The following FBXL5 variants were observed in gnomAD, a reference collection of about 807,000 sequenced individuals.
The protein encoded by FBXL5 is F-box and leucine rich repeat protein 5, also known as F-box/LRR-repeat protein 5.
A neutral mutation model predicts 78.3 loss-of-function variants in FBXL5; 26 were observed. The ratio of observed to expected loss-of-function variants is 0.33; its 90% confidence interval spans 0.24 to 0.46. FBXL5 has a LOEUF of 0.46. Among genes scored for constraint, FBXL5 ranks in the 20% least tolerant of loss-of-function variants. The probability of loss-of-function intolerance (pLI) is 1.00; values close to 1 mark genes in which losing one functional copy is unlikely to be tolerated. For synonymous variants in FBXL5, 295 were observed against 282.5 expected (o/e 1.04, Z -0.45); for missense variants, 710 against 829.2 (o/e 0.86, Z 1.77).
intron 1 of FBXL5, among the ~76,000 whole-genome samples, chr4:15,677,107 G>A (rs992001867): frequency 1.1e-4 from 17 of 152,072 alleles, no homozygotes; most frequent in African/African-American, 4.1e-4. Context: ...GACAAGCAAG[G>A]TAACAGATAA....
chr4:15,641,010 C>G (rs1242106230), intron 2 of FBXL5, 127 bp from the exon 3 acceptor site: 1 of 505,908 alleles, frequency 2.0e-6, no homozygotes, highest in Non-Finnish European at 3.5e-6. Context: ...GCAAAGTGGT[C>G]TCTGTACTTT....
intron 6 of FBXL5, 129 bp downstream of exon 6, chr4:15,630,537 T>C (rs1713519762): frequency 1.3e-6 from 1 of 748,774 alleles, no homozygotes; most frequent in Non-Finnish European, 1.9e-6. Flanking sequence ...TTTTAAAAAG[T>C]AGTAGGCTTA....
intron 1 of FBXL5, among the ~76,000 whole-genome samples, chr4:15,648,896 G>A (rs552408290): frequency 6.6e-6 from 1 of 152,240 alleles, no homozygotes; most frequent in African/African-American, 2.4e-5. Flanking sequence ...ATCGTTTGTG[G>A]TGATGGATGT....
At chr4:15,634,127 T>C (rs1713978300) in intron 5 of FBXL5, among the ~76,000 whole-genome samples, 1 of 152,142 alleles carries the variant, frequency 6.6e-6, no homozygotes, top group South Asian at 2.1e-4. Context: ...GAAAAATCAA[T>C]TTGATTGAGA....
At chr4:15,636,142 T>C (rs962368078) in intron 5 of FBXL5, among the ~76,000 whole-genome samples, 6 of 152,140 alleles carry the variant, frequency 3.9e-5, no homozygotes, top group Non-Finnish European at 7.4e-5. Context: ...AGCTTACTAA[T>C]TGAATTTTTA....
upstream of FBXL5, among the ~76,000 whole-genome samples, chr4:15,659,152 A>C (rs1247512724): frequency 6.6e-6 from 1 of 152,162 alleles, no homozygotes; most frequent in African/African-American, 2.4e-5. Flanking sequence ...TAAAATAATT[A>C]ATTTCTTAGC....
At position 15,636,538 on chromosome 4, in the gene FBXL5, G is replaced by A. The variant is rs753927719; in HGVS notation, c.722C>T (p.Thr241Met). 31 of 1,613,418 alleles carry A rather than the reference G, an allele frequency of 1.9e-5. No individual in the cohort carries two copies. The highest frequency in any genetic ancestry group is 1.6e-4 in the Middle Eastern group (1 of 6,082). ...VSMKWSQLTK[T>M]GSLWKHLYPV... ...GTAAAGATGTTTCCAAAGCGATCCCGTTTTTGTCAGCTGAGACCATTTCAT... is the reference window on the plus strand; with the variant it reads ...GTAAAGATGTTTCCAAAGCGATCCCATTTTTGTCAGCTGAGACCATTTCAT... Residue 241 changes from threonine to methionine, a missense_variant, in exon 5 of 11, where the codon ACG becomes ATG. Around this residue, in one of 4 missense-constraint regions of FBXL5, gnomAD observed 517 missense variants for 542.9 expected, o/e 0.95. Coordinates refer to ENST00000341285, the MANE Select transcript of FBXL5 (RefSeq NM_012161.4).
At chr4:15,614,874 G>A (rs956485809) in intron 9 of FBXL5, among the ~76,000 whole-genome samples, 2 of 152,168 alleles carry the variant, frequency 1.3e-5, no homozygotes, top group Admixed American at 1.3e-4. Context: ...GGCTGGCCAA[G>A]GCTAGAGCCC....
chr4:15,609,357 G>A (rs1344311633), intron 10 of FBXL5, among the ~76,000 whole-genome samples: 1 of 152,060 alleles, frequency 6.6e-6, no homozygotes, highest in East Asian at 1.9e-4. Context: ...ATGATAGGAA[G>A]TATAAGGTTA....
chr4:15,617,025 G>A (rs1365929407), intron 9 of FBXL5, among the ~76,000 whole-genome samples: 1 of 152,208 alleles, frequency 6.6e-6, no homozygotes, highest in African/African-American at 2.4e-5. Context: ...ACTGTTGGGA[G>A]TGTAAATTAG....
intron 6 of FBXL5, among the ~76,000 whole-genome samples, chr4:15,629,698 T>C (rs944544305): frequency 3.9e-5 from 6 of 152,140 alleles, no homozygotes; most frequent in African/African-American, 1.4e-4. Context: ...CTTTTCCTTA[T>C]ATAGGACATT....
At chr4:15,662,420 G>C (rs916749270), upstream of FBXL5, among the ~76,000 whole-genome samples, 1 of 152,148 alleles carries the variant, frequency 6.6e-6, no homozygotes, top group Non-Finnish European at 1.5e-5. Flanking sequence ...TCATAGTGTT[G>C]TTGTAAAGAT....
In FBXL5 at chr4:15,612,321, A is replaced by G; in HGVS notation, c.1944T>C (p.Val648=). The G allele has an allele frequency of 6.2e-7, 1 of 1,612,688 alleles. No individual in the cohort carries two copies. Among genetic ancestry groups the G allele is most frequent in the Non-Finnish European group, 8.5e-7 (1 of 1,179,332 alleles). The change falls in exon 10 of 11, where the codon GTT becomes GTC. Residue 648 remains valine (V), a synonymous_variant. Coordinates refer to ENST00000341285, the MANE Select transcript of FBXL5 (RefSeq NM_012161.4). ...TITGAGLQDL[V]SACPSLNDEY... Reference sequence around the variant, plus strand: ...CATCATTCAGAGAAGGACATGCTGAAACCAAATCCTGCAGGCCTGCACCAG... The same window carrying G: ...CATCATTCAGAGAAGGACATGCTGAGACCAAATCCTGCAGGCCTGCACCAG...
At chr4:15,680,253 G>A (rs111300239) in intron 1 of FBXL5, among the ~76,000 whole-genome samples, 16 of 152,244 alleles carry the variant, frequency 1.1e-4, no homozygotes, top group Middle Eastern at 3.4e-3. Context: ...ATGATTACCC[G>A]TGAAGACTAT....
At chr4:15,646,754 T>C (rs992772331) in intron 1 of FBXL5, among the ~76,000 whole-genome samples, 2 of 142,774 alleles carry the variant, frequency 1.4e-5, no homozygotes, top group African/African-American at 5.1e-5. Context: ...GTCCATGTTG[T>C]TCTCATTGTT....
intron 10 of FBXL5, among the ~76,000 whole-genome samples, chr4:15,610,064 T>C (rs1722145970): frequency 6.6e-6 from 1 of 152,090 alleles, no homozygotes; most frequent in African/African-American, 2.4e-5. Context: ...CACTTCTCCA[T>C]TGCTCTAATA....
At position 15,605,722 on chromosome 4, in the gene FBXL5, G is replaced by T; in HGVS notation, c.*1C>A. ...AGTAGACAAAGATCAGAAGTCAAGG[G>T]TCATTCGCCAGAGCGGCAGCAGGCT... On this transcript the variant is annotated 3_prime_UTR_variant, in exon 11 of 11. Transcript: ENST00000341285. 6.2e-7 allele frequency: 1 copy of T among 1,613,106 alleles called. No individual in the cohort carries two copies. Among genetic ancestry groups the T allele is most frequent in the Non-Finnish European group, 8.5e-7 (1 of 1,179,374 alleles).
chr4:15,612,784 A>G (rs1722356165), intron 9 of FBXL5, among the ~76,000 whole-genome samples: 1 of 152,146 alleles, frequency 6.6e-6, no homozygotes, highest in South Asian at 2.1e-4. Context: ...CCTAATAAGC[A>G]GTTGGGCAGT....
upstream of FBXL5, among the ~76,000 whole-genome samples, chr4:15,655,896 C>G (rs904486754): frequency 6.6e-6 from 1 of 152,224 alleles, no homozygotes; most frequent in Non-Finnish European, 1.5e-5. Context: ...TGGCTCCCAC[C>G]CAGCGGTTGG....
Sources: gnomAD v4.1 joint callset for allele counts (sites outside exome capture counted in the v4.1 genomes callset) on GRCh38, gnomAD v4.1.1 for gene constraint, gnomAD v4.1.1 regional missense constraint, MANE v1.5 for transcripts, NCBI Gene and HGNC (gene_info 2026-07-23, HGNC 2026-07-21) for gene names.